The following ACER1 variants were observed in gnomAD, a reference collection of about 807,000 sequenced individuals.
ACER1 encodes CTB-180A7.3.
Under a neutral mutation model 24.9 loss-of-function variants are expected in ACER1, and 28 were observed. That is an observed-to-expected ratio of 1.13 (90% CI 0.83 to 1.54). The LOEUF is 1.54. Ranked by LOEUF, ACER1 falls within the 40% of genes most tolerant of loss-of-function variation. The pLI is 0.00. For synonymous variants in ACER1, 132 were observed against 131.4 expected (o/e 1.00, Z -0.03); for missense variants, 352 against 349.3 (o/e 1.01, Z -0.06).
At chr19:6,328,758 C>T (rs2091673655) in intron 1 of ACER1, among the ~76,000 whole-genome samples, 1 of 151,950 alleles carries the variant, frequency 6.6e-6, no homozygotes. Flanking sequence ...CCTCCACCTC[C>T]CAGGTTCAAG....
Position 6,309,849 on chromosome 19 carries a change from GC to G in ACER1, c.351-16del, listed in dbSNP as rs747119938. On this transcript the variant is annotated splice_polypyrimidine_tract_variant and intron_variant, in intron 3 of 5. Transcript: ENST00000301452. ...TGAACTGGGACCTGGGGAGGAAGGGGCTCAGCTGTAGGCGGGAAGGGAGGTC... is the reference window on the plus strand; with the variant it reads ...TGAACTGGGACCTGGGGAGGAAGGGGTCAGCTGTAGGCGGGAAGGGAGGTC... 1.2e-6 allele frequency: 2 copies of G among 1,613,622 alleles called. No individual in the cohort carries two copies. The highest frequency in any genetic ancestry group is 3.3e-5 in the Admixed American group (2 of 59,968).
At chr19:6,324,722 C>A (rs936943699) in intron 1 of ACER1, among the ~76,000 whole-genome samples, 2 of 150,730 alleles carry the variant, frequency 1.3e-5, no homozygotes, top group African/African-American at 4.9e-5. Context: ...GCACTTTAGT[C>A]TGGGCAACAA....
chr19:6,341,572 T>G, the ACER1 span, among the ~76,000 whole-genome samples: 1 of 151,380 alleles, frequency 6.6e-6, no homozygotes, highest in African/African-American at 2.4e-5. Flanking sequence ...AAAAAGGAAC[T>G]ATACCCATCT....
At chr19:6,318,780 C>T (rs144112766) in intron 1 of ACER1, among the ~76,000 whole-genome samples, 1,874 of 146,212 alleles carry the variant, frequency 0.013, 64 homozygotes, top group East Asian at 0.04. Flanking sequence ...AGCAAGACTC[C>T]GTTTCAAAAA....
intron 1 of ACER1, among the ~76,000 whole-genome samples, chr19:6,318,652 G>T (rs2091615227): frequency 6.9e-6 from 1 of 145,266 alleles, no homozygotes; most frequent in Admixed American, 7.0e-5. Context: ...TGGGTGTGGT[G>T]GCAGGCGCCT....
chr19:6,327,458 G>C (rs1204018806), intron 1 of ACER1, among the ~76,000 whole-genome samples: 2 of 151,968 alleles, frequency 1.3e-5, no homozygotes, highest in African/African-American at 2.4e-5. Context: ...CCAGCTACTC[G>C]GGAGGCTGAG....
chr19:6,355,483 A>G, the ACER1 span, among the ~76,000 whole-genome samples: 1 of 142,792 alleles, frequency 7.0e-6, no homozygotes, highest in African/African-American at 2.7e-5. Context: ...ACCGCCCCAT[A>G]TGAGAAGTGA....
In ACER1 at chr19:6,310,468, G is replaced by A. The variant is rs541392755; in HGVS notation, c.351-634C>T. ...TGCCTGTAATCCCAGCTACTCAGGA[G>A]GCTGAGGCACGAGAATTGCTTGAAC... On this transcript the variant is annotated intron_variant, in intron 3 of 5. Coordinates refer to ENST00000301452, the MANE Select transcript of ACER1 (RefSeq NM_133492.3). Among the ~76,000 whole-genome samples the A allele has an allele frequency of 4.6e-5, 7 of 152,252 alleles. No homozygotes were observed. In the South Asian group the frequency reaches 1.0e-3, roughly 23 times the overall value.
At chr19:6,334,090 G>A (rs1288163677), upstream of ACER1, among the ~76,000 whole-genome samples, 3 of 151,776 alleles carry the variant, frequency 2.0e-5, no homozygotes, top group Non-Finnish European at 4.4e-5. Context: ...TGTTGCCCAG[G>A]CTGGAGTGCA....
rs2091586557 is a variant in ACER1, at chr19:6,312,418, T to C, written c.175A>G (p.Ile59Val). The C allele has an allele frequency of 1.2e-6, 2 of 1,613,942 alleles. No homozygotes were observed. Among genetic ancestry groups the C allele is most frequent in the East Asian group, 2.2e-5 (1 of 44,862 alleles). Reference protein sequence around the residue: ...HPYAQKRSRYIYVVWVLFMII... With the variant: ...HPYAQKRSRYVYVVWVLFMII... ...ATGAAGAGGACCCAGACAACGTAAA[T>C]GTAGCGGGAGCGCTTCTGGGCATAC... Residue 59 changes from isoleucine (I) to valine (V), a missense_variant, in exon 2 of 6, where the codon ATT becomes GTT. Ile to Val is a conservative substitution (Grantham distance 29). Transcript: ENST00000301452.
At chr19:6,334,098 G>A (rs372320439), upstream of ACER1, among the ~76,000 whole-genome samples, 155 of 151,568 alleles carry the variant, frequency 1.0e-3, no homozygotes, top group African/African-American at 3.5e-3. Flanking sequence ...AGGCTGGAGT[G>A]CAGTGGCATG....
At chr19:6,328,954 T>C (rs1460095453) in intron 1 of ACER1, among the ~76,000 whole-genome samples, 4 of 151,842 alleles carry the variant, frequency 2.6e-5, no homozygotes, top group Non-Finnish European at 5.9e-5. Flanking sequence ...GGATTACATG[T>C]GTGAGCCACT....
the ACER1 span, among the ~76,000 whole-genome samples, chr19:6,349,517 G>A: frequency 6.7e-6 from 1 of 148,668 alleles, no homozygotes; most frequent in Admixed American, 6.7e-5. Context: ...AAGAAGGAAG[G>A]AAGGAAAGGA....
intron 4 of ACER1, 23 bp from the exon 5 acceptor site, chr19:6,307,313 AGGGGCTGGCTCGGAGAGCAGCACCTGAT>A (rs2091557336): frequency 6.2e-7 from 1 of 1,613,082 alleles, no homozygotes; most frequent in East Asian, 2.2e-5. Context: ...GAGGGGGACC[AGGGGCTGGCTCGGAGAGCAGCACCTGAT>A]GGGGCTGATG....
chr19:6,316,050 T>C (rs2091601839), intron 1 of ACER1, among the ~76,000 whole-genome samples: 1 of 152,042 alleles, frequency 6.6e-6, no homozygotes, highest in Admixed American at 6.6e-5. Flanking sequence ...ATCACTTGAA[T>C]CTGGGAGACA....
chr19:6,320,320 C>A (rs776524679), intron 1 of ACER1, among the ~76,000 whole-genome samples: 21 of 152,098 alleles, frequency 1.4e-4, no homozygotes, highest in Non-Finnish European at 2.2e-4. Flanking sequence ...GACTTAATTG[C>A]ATGAATTAAA....
chr19:6,345,909 T>C, the ACER1 span, among the ~76,000 whole-genome samples: 4 of 151,210 alleles, frequency 2.6e-5, no homozygotes, highest in African/African-American at 9.7e-5. Flanking sequence ...ATTATTATTA[T>C]TGGAAATGGG....
At chr19:6,318,428 G>A (rs1048904853) in intron 1 of ACER1, among the ~76,000 whole-genome samples, 2 of 150,970 alleles carry the variant, frequency 1.3e-5, no homozygotes, top group Non-Finnish European at 3.0e-5. Context: ...GAGATCACAC[G>A]ATTGCATTCC....
chr19:6,312,569 G>T, intron 1 of ACER1, 70 bp from the exon 2 acceptor site: 1 of 1,241,956 alleles, frequency 8.1e-7, no homozygotes, highest in South Asian at 1.2e-5. Context: ...CCTCTGTCCA[G>T]ACACTCAGTC....
Sources: allele counts gnomAD v4.1 joint callset (sites outside exome capture counted in the v4.1 genomes callset), GRCh38; gene constraint gnomAD v4.1.1; transcripts MANE v1.5; gene names NCBI Gene and HGNC (gene_info 2026-07-23, HGNC 2026-07-21).